Variants in AGBL4 observed in about 807,000 individuals in gnomAD.
AGBL4 encodes the protein cytosolic carboxypeptidase 6.
AGBL4 carries 58 observed loss-of-function variants against 66.4 expected under a neutral mutation model. That is an observed-to-expected ratio of 0.87 (90% CI 0.71 to 1.09). The LOEUF (loss-of-function observed/expected upper bound fraction) is 1.09. Among genes scored for constraint, AGBL4 ranks in the 50% least tolerant of loss-of-function variants. The probability of loss-of-function intolerance (pLI) is 0.00; values close to 1 mark genes in which losing one functional copy is unlikely to be tolerated. For missense variants in AGBL4, 579 were observed against 631.0 expected, an observed-to-expected ratio of 0.92 and a Z score of 0.88; for synonymous variants, 234 against 222.9, an observed-to-expected ratio of 1.05 and a Z score of -0.44.
intron 1 of AGBL4, among the ~76,000 whole-genome samples, chr1:49,960,358 T>C (rs1161995644): frequency 3.9e-5 from 6 of 152,050 alleles, no homozygotes; most frequent in African/African-American, 1.4e-4. Context: ...ATGTGAAAGC[T>C]AAAAGACTTT....
chr1:48,757,938 C>T (rs1331976463), intron 6 of AGBL4, among the ~76,000 whole-genome samples: 1 of 152,146 alleles, frequency 6.6e-6, no homozygotes, highest in Non-Finnish European at 1.5e-5. Flanking sequence ...TCAATATTGA[C>T]TGGGCTCTAT....
chr1:49,371,248 G>GGTAC (rs1553190363), intron 3 of AGBL4, among the ~76,000 whole-genome samples: 1 of 137,880 alleles, frequency 7.3e-6, no homozygotes, highest in East Asian at 2.1e-4. Context: ...TAGATAGATA[G>GGTAC]ATACATACAT....
intron 5 of AGBL4, among the ~76,000 whole-genome samples, chr1:48,888,339 T>C (rs1396245042): frequency 6.6e-6 from 1 of 152,152 alleles, no homozygotes; most frequent in African/African-American, 2.4e-5. Flanking sequence ...AATCTGCACA[T>C]CCAGCTCTGG....
At chr1:49,982,144 G>A (rs1276894529) in intron 1 of AGBL4, among the ~76,000 whole-genome samples, 2 of 152,236 alleles carry the variant, frequency 1.3e-5, no homozygotes, top group Non-Finnish European at 2.9e-5. Context: ...TCATTAAGAT[G>A]TGTTCAAAAT....
chr1:48,785,824 T>G (rs1026409650), intron 6 of AGBL4, among the ~76,000 whole-genome samples: 1 of 152,154 alleles, frequency 6.6e-6, no homozygotes, highest in Non-Finnish European at 1.5e-5. Flanking sequence ...AACCCCCTAC[T>G]TAGTTAAGGA....
chr1:49,808,642 C>T (rs972858572), intron 2 of AGBL4, among the ~76,000 whole-genome samples: 1 of 152,100 alleles, frequency 6.6e-6, no homozygotes, highest in African/African-American at 2.4e-5. Context: ...AAGAATATCA[C>T]TTGTCTAGCA....
At chr1:48,866,013 T>G (rs939089069) in intron 6 of AGBL4, among the ~76,000 whole-genome samples, 18 of 152,186 alleles carry the variant, frequency 1.2e-4, no homozygotes, top group Non-Finnish European at 2.2e-4. Flanking sequence ...TTTTTTGAAC[T>G]AATTCTATCT....
intron 4 of AGBL4, among the ~76,000 whole-genome samples, chr1:49,243,025 A>G (rs954184826): frequency 3.3e-5 from 5 of 149,386 alleles, no homozygotes; most frequent in African/African-American, 1.3e-4. Flanking sequence ...TTTTATACAT[A>G]TATATATATA....
chr1:49,133,760 A>G (rs555177766), intron 4 of AGBL4, among the ~76,000 whole-genome samples: 60 of 152,238 alleles, frequency 3.9e-4, no homozygotes, highest in Admixed American at 3.7e-3. Context: ...ACTGCATAGA[A>G]ATTCACATGC....
At chr1:49,660,370 T>C (rs545794929) in intron 3 of AGBL4, among the ~76,000 whole-genome samples, 1 of 152,174 alleles carries the variant, frequency 6.6e-6, no homozygotes. Flanking sequence ...TCACTGATCA[T>C]TAGAGAAACG....
At chr1:49,116,462 C>T (rs1055751399) in intron 4 of AGBL4, among the ~76,000 whole-genome samples, 5 of 152,154 alleles carry the variant, frequency 3.3e-5, no homozygotes, top group African/African-American at 1.2e-4. Flanking sequence ...TGAGTGAGAA[C>T]ATGTGGTGTT....
At chr1:48,669,747 T>C (rs1309387844) in intron 6 of AGBL4, among the ~76,000 whole-genome samples, 1 of 152,164 alleles carries the variant, frequency 6.6e-6, no homozygotes, top group African/African-American at 2.4e-5. Context: ...TCATAAATCA[T>C]TTGCTGCCTT....
intron 3 of AGBL4, among the ~76,000 whole-genome samples, chr1:49,602,091 GA>G (rs891243456): frequency 1.6e-4 from 25 of 152,238 alleles, no homozygotes; most frequent in African/African-American, 6.0e-4. Context: ...ACAAACATAT[GA>G]AAAAAGCTCA....
intron 2 of AGBL4, among the ~76,000 whole-genome samples, chr1:49,847,017 G>C (rs2148053300): frequency 6.6e-6 from 1 of 152,220 alleles, no homozygotes; most frequent in Middle Eastern, 3.4e-3. Flanking sequence ...AAATTATCTG[G>C]CATCAAATTA....
chr1:49,537,947 C>T (rs1474872451), intron 3 of AGBL4, among the ~76,000 whole-genome samples: 1 of 149,340 alleles, frequency 6.7e-6, no homozygotes. Context: ...AAAAAGTCAA[C>T]AGATGTTGGT....
intron 6 of AGBL4, among the ~76,000 whole-genome samples, chr1:48,783,714 T>G (rs1397920037): frequency 6.6e-6 from 1 of 152,126 alleles, no homozygotes; most frequent in Non-Finnish European, 1.5e-5. Flanking sequence ...CATCCCCAGG[T>G]CCTATCCCCT....
At chr1:49,719,356 G>C (rs1648413597) in intron 2 of AGBL4, among the ~76,000 whole-genome samples, 1 of 152,148 alleles carries the variant, frequency 6.6e-6, no homozygotes, top group Non-Finnish European at 1.5e-5. Flanking sequence ...ACCTACGTGA[G>C]AGAAATCACT....
At chr1:49,685,531 C>T (rs1223753525) in intron 3 of AGBL4, among the ~76,000 whole-genome samples, 4 of 152,152 alleles carry the variant, frequency 2.6e-5, no homozygotes, top group Non-Finnish European at 4.4e-5. Flanking sequence ...AGTGTATAAG[C>T]GTTCCCTTTT....
intron 6 of AGBL4, among the ~76,000 whole-genome samples, chr1:48,708,139 C>T (rs1435872353): frequency 6.6e-6 from 1 of 152,184 alleles, no homozygotes; most frequent in Non-Finnish European, 1.5e-5. Flanking sequence ...CATTTGTGTT[C>T]TTTCACAACC....
Sources: gnomAD v4.1 joint callset for allele counts (sites outside exome capture counted in the v4.1 genomes callset) on GRCh38, gnomAD v4.1.1 for gene constraint, MANE v1.5 for transcripts, NCBI Gene and HGNC (gene_info 2026-07-23, HGNC 2026-07-21) for gene names.